The following DNAH11 variants were observed in gnomAD, a reference collection of about 807,000 sequenced individuals.
The protein encoded by DNAH11 is axonemal beta dynein heavy chain 11.
DNAH11 carries 442 observed loss-of-function variants against 526.0 expected under a neutral mutation model. That is an observed-to-expected ratio of 0.84 (90% CI 0.78 to 0.91). The LOEUF (loss-of-function observed/expected upper bound fraction) is 0.91. DNAH11 is among the 40% of genes least tolerant of loss of function. The pLI is 0.00. For missense variants in DNAH11, 6,989 were observed against 5,448.7 expected (o/e 1.28, Z -8.90); for synonymous variants, 2,461 against 1,935.9 (o/e 1.27, Z -7.12).
intron 8 of DNAH11, among the ~76,000 whole-genome samples, chr7:21,580,603 G>T (rs995997969): frequency 2.0e-5 from 3 of 152,310 alleles, no homozygotes; most frequent in African/African-American, 4.8e-5. Flanking sequence ...CGCAGGTTCA[G>T]TGTCTGGGGA....
chr7:21,759,714 TCA>T (rs1300230797), intron 54 of DNAH11, among the ~76,000 whole-genome samples: 1 of 152,214 alleles, frequency 6.6e-6, no homozygotes, highest in Non-Finnish European at 1.5e-5. Context: ...CTGTAGCAAT[TCA>T]CATTTTCATT....
At chr7:21,724,310 A>G (rs2128485034) in intron 44 of DNAH11, among the ~76,000 whole-genome samples, 1 of 152,224 alleles carries the variant, frequency 6.6e-6, no homozygotes, top group East Asian at 1.9e-4. Flanking sequence ...TAACTCATGC[A>G]TGGGGTGGTA....
intron 36 of DNAH11, among the ~76,000 whole-genome samples, chr7:21,700,438 G>A (rs1188310200): frequency 1.3e-5 from 2 of 152,188 alleles, no homozygotes; most frequent in East Asian, 1.9e-4. Flanking sequence ...TTAGCTATTT[G>A]CATTGTTTAA....
intron 34 of DNAH11, among the ~76,000 whole-genome samples, chr7:21,689,497 T>A (rs575737995): frequency 6.6e-6 from 1 of 152,338 alleles, no homozygotes; most frequent in Admixed American, 6.5e-5. Context: ...CAAAGCCTTC[T>A]AGTGCCTTGC....
At position 21,558,963 on chromosome 7, in the gene DNAH11, A is replaced by C; in HGVS notation, c.657A>C (p.Gly219=). Residue 219 remains glycine, a synonymous_variant, in exon 3 of 82, where the codon GGA becomes GGC. Transcript: ENST00000409508. ...TTCTACCAATTCCCACTGTTGCAGG[A>C]AAGATGGATCTGGATCAGAATTGTT... The part of the protein sequence containing the change: ...RTLLPIPTVA[G]KMDLDQNCSE... The C allele has an allele frequency of 6.3e-7, 1 of 1,590,794 alleles. No individual in the cohort carries two copies. The highest frequency in any genetic ancestry group is 8.6e-7 in the Non-Finnish European group (1 of 1,167,348).
intron 5 of DNAH11, chr7:21,561,458 AAT>A: frequency 3.8e-6 from 1 of 260,692 alleles, no homozygotes; most frequent in Non-Finnish European, 7.2e-6. Context: ...AAAAAAAAAA[AAT>A]AAGTCTGGAT....
At chr7:21,695,924 A>T (rs1783831021) in intron 35 of DNAH11, among the ~76,000 whole-genome samples, 1 of 152,208 alleles carries the variant, frequency 6.6e-6, no homozygotes, top group Non-Finnish European at 1.5e-5. Context: ...TGGGCAAAGG[A>T]TATGAACAGA....
chr7:21,571,755 T>C (rs890471239), intron 7 of DNAH11, 51 bp from the exon 8 acceptor site: 2 of 1,374,684 alleles, frequency 1.5e-6, no homozygotes, highest in Non-Finnish European at 1.9e-6. Flanking sequence ...AACTTTAAAA[T>C]ATTTTGCTGC....
At chr7:21,638,403 C>T (rs780424748) in intron 27 of DNAH11, among the ~76,000 whole-genome samples, 12 of 152,180 alleles carry the variant, frequency 7.9e-5, no homozygotes, top group East Asian at 5.8e-4. Flanking sequence ...CTTTGGGGCT[C>T]GGGCTCTGCC....
At chr7:21,611,092 G>A (rs1785504652) in intron 20 of DNAH11, among the ~76,000 whole-genome samples, 1 of 152,190 alleles carries the variant, frequency 6.6e-6, no homozygotes, top group Admixed American at 6.5e-5. Flanking sequence ...TGGACTGAGT[G>A]GAGAAGATCC....
At chr7:21,587,064 G>A (rs1206700181) in intron 9 of DNAH11, among the ~76,000 whole-genome samples, 1 of 152,172 alleles carries the variant, frequency 6.6e-6, no homozygotes, top group Non-Finnish European at 1.5e-5. Context: ...CTGGGACATA[G>A]CACTATAGAA....
At chr7:21,726,662 C>T (rs1343873319) in intron 45 of DNAH11, among the ~76,000 whole-genome samples, 117 of 151,132 alleles carry the variant, frequency 7.7e-4, no homozygotes, top group Non-Finnish European at 5.9e-5. Flanking sequence ...GAGATCGAGG[C>T]CATCCTGGCT....
At chr7:21,732,126 C>T in intron 45 of DNAH11, among the ~76,000 whole-genome samples, 1 of 152,168 alleles carries the variant, frequency 6.6e-6, no homozygotes, top group East Asian at 1.9e-4. Flanking sequence ...TAACAAAATA[C>T]CACAGACTGG....
intron 28 of DNAH11, among the ~76,000 whole-genome samples, chr7:21,644,912 A>T (rs954408366): frequency 6.6e-6 from 1 of 152,278 alleles, no homozygotes; most frequent in Non-Finnish European, 1.5e-5. Context: ...CATGGAGATT[A>T]TCCTTGATTA....
intron 65 of DNAH11, among the ~76,000 whole-genome samples, chr7:21,825,738 T>A (rs1051397257): frequency 8.5e-5 from 13 of 152,074 alleles, no homozygotes; most frequent in Admixed American, 8.5e-4. Context: ...GGCAGGTGGA[T>A]CATGAGGTCA....
At chr7:21,688,223 C>A (rs1030391231) in intron 34 of DNAH11, among the ~76,000 whole-genome samples, 3 of 152,154 alleles carry the variant, frequency 2.0e-5, no homozygotes, top group Non-Finnish European at 4.4e-5. Context: ...CATCTCTCTC[C>A]CCTCACAGCG....
At chr7:21,842,921 A>G (rs1782271702) in intron 66 of DNAH11, among the ~76,000 whole-genome samples, 173 bp downstream of exon 66, 1 of 152,224 alleles carries the variant, frequency 6.6e-6, no homozygotes, top group African/African-American at 2.4e-5. Context: ...CTCTTCATAA[A>G]TGCTAGATTG....
In DNAH11 at chr7:21,704,561, T is replaced by G. The variant is rs758237222; in HGVS notation, c.6401T>G (p.Phe2134Cys). 1 of 1,613,834 alleles carries G rather than the reference T, an allele frequency of 6.2e-7. No homozygotes were observed. Among genetic ancestry groups the G allele is most frequent in the Admixed American group, 1.7e-5 (1 of 59,976 alleles). ...GTGCCCCGGAGGAGGAAGCTGCACT[T>G]TGAACAGATGGTCAGGCAGTCTACC... is the stretch of plus-strand genomic sequence containing the variant. The part of the protein sequence containing the change: ...LDVPRRRKLH[F>C]EQMVRQSTLE... The change falls in exon 38 of 82, where the codon TTT (phenylalanine) becomes TGT (cysteine). Residue 2134 changes from phenylalanine to cysteine, a missense_variant. Phe to Cys is a radical substitution (Grantham distance 205). Coordinates refer to ENST00000409508, the MANE Select transcript of DNAH11 (RefSeq NM_001277115.2).
chr7:21,681,288 G>T (rs770022677), intron 30 of DNAH11, among the ~76,000 whole-genome samples: 7 of 152,000 alleles, frequency 4.6e-5, no homozygotes, highest in African/African-American at 1.7e-4. Context: ...TTAGCTGGGC[G>T]TGGTGGTGGG....
Sources: gnomAD v4.1 joint callset for allele counts (sites outside exome capture counted in the v4.1 genomes callset) on GRCh38, gnomAD v4.1.1 for gene constraint, MANE v1.5 for transcripts, NCBI Gene and HGNC (gene_info 2026-07-23, HGNC 2026-07-21) for gene names.